The following APOBEC3B variants were observed in gnomAD, a reference collection of about 807,000 sequenced individuals.
APOBEC3B encodes apolipoprotein B mRNA editing enzyme catalytic subunit 3B.
Under a neutral mutation model 53.4 loss-of-function variants are expected in APOBEC3B, and 29 were observed. That is an observed-to-expected ratio of 0.54 (90% CI 0.40 to 0.74). APOBEC3B has a LOEUF of 0.74. Among genes scored for constraint, APOBEC3B ranks in the 30% least tolerant of loss-of-function variants. The probability of loss-of-function intolerance (pLI) is 0.00; values close to 1 mark genes in which losing one functional copy is unlikely to be tolerated. For synonymous variants in APOBEC3B, 132 were observed against 184.8 expected, an observed-to-expected ratio of 0.71 and a Z score of 2.32; for missense variants, 347 against 496.2, an observed-to-expected ratio of 0.70 and a Z score of 2.86.
rs1200546485 is a variant in APOBEC3B, at chr22:38,985,897, A to G, written c.260A>G (p.Gln87Arg). Residue 87 changes from glutamine (Q) to arginine (R), a missense_variant, in exon 3 of 8, where the codon CAG (glutamine) becomes CGG (arginine). This residue lies in a region of APOBEC3B where 20 missense variants were observed against 50.9 expected (regional missense o/e 0.39). Coordinates refer to ENST00000333467, the MANE Select transcript of APOBEC3B (RefSeq NM_004900.5). ...GNQLPAYKCFQITWFVSWTPC... is the reference protein window; with the variant it reads ...GNQLPAYKCFRITWFVSWTPC... ...CAGCTGCCTGCTTACAAGTGTTTCCAGATCACCTGGTTTGTATCCTGGACC... is the reference window on the plus strand; with the variant it reads ...CAGCTGCCTGCTTACAAGTGTTTCCGGATCACCTGGTTTGTATCCTGGACC... 6.3e-7 allele frequency: 1 copy of G among 1,599,560 alleles called. No homozygotes were observed.
intron 4 of APOBEC3B, among the ~76,000 whole-genome samples, chr22:38,988,696 T>TCTTTCTTTCTTC: frequency 8.7e-6 from 1 of 114,716 alleles, no homozygotes; most frequent in African/African-American, 3.6e-5. Context: ...TTTCTTTCTT[T>TCTTTCTTTCTTC]CTTTCTTTCT....
rs1923716342 is a variant in APOBEC3B, at chr22:38,985,933, A to G, written c.296A>G (p.Asp99Gly). 6.2e-7 allele frequency: 1 copy of G among 1,601,290 alleles called. No individual in the cohort carries two copies. Among genetic ancestry groups the G allele is most frequent in the African/African-American group, 1.4e-5 (1 of 73,894 alleles). ...TWFVSWTPCPDCVAKLAEFLS... is the reference protein window; with the variant it reads ...TWFVSWTPCPGCVAKLAEFLS... ...TTTGTATCCTGGACCCCCTGCCCGG[A>G]CTGTGTGGCGAAGCTGGCCGAATTC... Residue 99 changes from aspartate to glycine, a missense_variant, in exon 3 of 8, where the codon GAC (aspartate) becomes GGC (glycine). By Grantham distance (94) the Asp-to-Gly change is moderately conservative. This residue lies in a region of APOBEC3B where 20 missense variants were observed against 50.9 expected (regional missense o/e 0.39). Transcript: ENST00000333467.
At chr22:38,985,004 T>G (rs530648707) in intron 2 of APOBEC3B, among the ~76,000 whole-genome samples, 2 of 144,368 alleles carry the variant, frequency 1.4e-5, no homozygotes, top group Non-Finnish European at 1.5e-5. Context: ...CAGGTTCAAG[T>G]GATTCTTCGG....
At chr22:38,988,836 G>A (rs1923877206) in intron 4 of APOBEC3B, among the ~76,000 whole-genome samples, 1 of 145,778 alleles carries the variant, frequency 6.9e-6, no homozygotes, top group Non-Finnish European at 1.5e-5. Flanking sequence ...TCTACAGAGG[G>A]GCCGGGAGAG....
At chr22:38,989,874 A>G (rs910646601) in intron 5 of APOBEC3B, among the ~76,000 whole-genome samples, 2 of 148,494 alleles carry the variant, frequency 1.3e-5, no homozygotes, top group African/African-American at 4.9e-5. Context: ...TCTCACCAGG[A>G]ATGATTCGGA....
rs569498099 is a variant in APOBEC3B, at chr22:38,989,323, G to A, written c.570-134G>A. On this transcript the variant is annotated intron_variant, in intron 4 of 7. Coordinates refer to ENST00000333467, the MANE Select transcript of APOBEC3B (RefSeq NM_004900.5). ...AGAGGATCAGTGGCCCCCACAAAGG[G>A]AGTGGAAGCGCCTCCTCTGACAGGT... The A allele has an allele frequency of 2.2e-5, 17 of 770,116 alleles. No individual in the cohort carries two copies. The South Asian group carries it at 3.5e-4, about 16-fold the overall frequency. The allele number at this position is 770,116 out of a possible 1,614,324, so 47.7% of individuals were successfully genotyped here. A position where few individuals can be genotyped will look rare whatever the true frequency, so the allele number is the denominator to read the frequency against.
chr22:38,991,747 C>T, intron 6 of APOBEC3B, 121 bp downstream of exon 6: 1 of 1,317,388 alleles, frequency 7.6e-7, no homozygotes, highest in Non-Finnish European at 1.0e-6. Flanking sequence ...TGGGACCTGA[C>T]TTTGGGGTCG....
chr22:38,988,683 CTCTTTCTT>C lies in APOBEC3B; in HGVS notation c.570-717_570-710del, dbSNP rs767344337. Among the ~76,000 whole-genome samples, 138 of 47,526 alleles carry C rather than the reference CTCTTTCTT, an allele frequency of 2.9e-3. 7 individuals are homozygous for C. The highest frequency in any genetic ancestry group is 0.022 in the Middle Eastern group (2 of 92). 31.2% of individuals were successfully genotyped at this position (47,526 alleles called of 152,430 possible). A position where few individuals can be genotyped will look rare whatever the true frequency, so the allele number is the denominator to read the frequency against. On this transcript the variant is annotated intron_variant, in intron 4 of 7. Transcript: ENST00000333467. ...TTGCTTCCTCTCTCTTTCTCTCTTT[CTCTTTCTT>C]TCTTTCTTTCTTTCTTTCTTTCTTT...
intron 5 of APOBEC3B, among the ~76,000 whole-genome samples, chr22:38,990,782 A>G (rs929455375): frequency 1.4e-5 from 2 of 145,646 alleles, no homozygotes; most frequent in African/African-American, 5.1e-5. Context: ...TGAAGGAAGC[A>G]CACTCACTCA....
intron 6 of APOBEC3B, 35 bp from the exon 7 acceptor site, chr22:38,991,998 AC>A (rs1271120954): frequency 6.5e-7 from 1 of 1,532,226 alleles, no homozygotes; most frequent in African/African-American, 1.4e-5. Flanking sequence ...CCTCCCCACA[AC>A]AGGAGCGTGA....
Position 38,983,522 on chromosome 22 carries a change from TGGCCTC to T in APOBEC3B, c.18-549_18-544del, listed in dbSNP as rs1454933682. Among the ~76,000 whole-genome samples, 3 of 148,326 alleles carry T rather than the reference TGGCCTC, an allele frequency of 2.0e-5. 1 individual carries two copies. The highest frequency in any genetic ancestry group is 4.5e-5 in the Non-Finnish European group (3 of 67,154). ...CCTGCTCCATCCGTCCCCAGCTCTG[TGGCCTC>T]GGCAGGTTACCCCGCCTCTCTGTGC... On this transcript the variant is annotated intron_variant, in intron 1 of 7. Coordinates refer to ENST00000333467, the MANE Select transcript of APOBEC3B (RefSeq NM_004900.5).
chr22:38,982,727 G>A (rs867488291), intron 1 of APOBEC3B, among the ~76,000 whole-genome samples: 2 of 148,416 alleles, frequency 1.3e-5, no homozygotes, highest in African/African-American at 4.9e-5. Flanking sequence ...AGTCATGCCC[G>A]GACTGGTGCT....
chr22:38,984,616 T>A lies in APOBEC3B; in HGVS notation c.174+385T>A, dbSNP rs185997340. ...ACAGTAAAGGAATTTGTCTTTTTTT[T>A]AAAAAATTTTTTTAAAATTTTCTTC... On this transcript the variant is annotated intron_variant, in intron 2 of 7. Coordinates refer to ENST00000333467, the MANE Select transcript of APOBEC3B (RefSeq NM_004900.5). Among the ~76,000 whole-genome samples the A allele has an allele frequency of 1.2e-3, 178 of 148,632 alleles. 21 individuals are homozygous for A. Among genetic ancestry groups the A allele is most frequent in the Middle Eastern group, 3.4e-3 (1 of 292 alleles).
chr22:38,984,190 C>T lies in APOBEC3B; in HGVS notation c.133C>T (p.Arg45Cys), dbSNP rs143126732. 2.0e-3 allele frequency: 3,180 copies of T among 1,592,538 alleles called. 215 individuals are homozygous for T. The highest frequency in any genetic ancestry group is 4.5e-3 in the African/African-American group (335 of 74,310). The part of the protein sequence containing the change: ...LCYEVKIKRG[R>C]SNLLWDTGVF... ...CTATGAAGTGAAAATAAAGAGGGGC[C>T]GCTCAAATCTCCTTTGGGACACAGG... The change falls in exon 2 of 8, where the codon CGC (arginine) becomes TGC (cysteine). Residue 45 changes from arginine to cysteine, a missense_variant. Physicochemically the swap from Arg to Cys is radical, Grantham distance 180 (BLOSUM62 -3). Around this residue, in one of 5 missense-constraint regions of APOBEC3B, gnomAD observed 73 missense variants for 90.9 expected, o/e 0.80. Coordinates refer to ENST00000333467, the MANE Select transcript of APOBEC3B (RefSeq NM_004900.5).
In APOBEC3B at chr22:38,986,027, T is replaced by C. The variant is rs373745509; in HGVS notation, c.390T>C (p.Asp130=). The change falls in exon 3 of 8, where the codon GAT becomes GAC. Residue 130 remains aspartate, a synonymous_variant. Coordinates refer to ENST00000333467, the MANE Select transcript of APOBEC3B (RefSeq NM_004900.5). ...GCCTCTACTACTACTGGGAAAGAGA[T>C]TACCGAAGGGCGCTCTGCAGGCTGA... ...AARLYYYWER[D]YRRALCRLSQ... The C allele has an allele frequency of 2.0e-5, 32 of 1,593,110 alleles. 3 individuals carry two copies. Among genetic ancestry groups the C allele is most frequent in the Non-Finnish European group, 2.2e-5 (26 of 1,172,552 alleles).
At position 38,985,641 on chromosome 22, in the gene APOBEC3B, G is replaced by C. The variant is rs557347663; in HGVS notation, c.175-171G>C. ...ATTACAATAGCCATTAACACTGAAC[G>C]TGAGCTTTGGAGCAGACAATCACTC... On this transcript the variant is annotated intron_variant, in intron 2 of 7. Coordinates refer to ENST00000333467, the MANE Select transcript of APOBEC3B (RefSeq NM_004900.5). 3.8e-3 allele frequency among the ~76,000 whole-genome samples: 561 copies of C among 147,732 alleles called. 36 individuals are homozygous for C. The highest frequency in any genetic ancestry group is 5.6e-3 in the Non-Finnish European group (376 of 67,038).
At position 38,992,662 on chromosome 22, in the gene APOBEC3B, A is replaced by G; in HGVS notation, c.*217A>G. On this transcript the variant is annotated 3_prime_UTR_variant, in exon 8 of 8. Transcript: ENST00000333467. ...TCTTATGTTCCAAGTGTACAAGAGT[A>G]AGATTATGCTCAATATTCCCAGAAT... 1 of 1,316,742 alleles carries G rather than the reference A, an allele frequency of 7.6e-7. No homozygotes were observed. The highest frequency in any genetic ancestry group is 1.0e-6 in the Non-Finnish European group (1 of 972,646). The allele number at this position is 1,316,742 out of a possible 1,614,324, so 81.6% of individuals were successfully genotyped here.
intron 4 of APOBEC3B, among the ~76,000 whole-genome samples, chr22:38,988,684 T>TCTCTTTCTCTCTCC (rs1923844579): frequency 2.6e-4 from 1 of 3,816 alleles, no homozygotes; most frequent in African/African-American, 8.3e-4. Flanking sequence ...TCTCTCTTTC[T>TCTCTTTCTCTCTCC]CTTTCTTTCT....
Position 38,984,217 on chromosome 22 carries a change from G to C in APOBEC3B, c.160G>C (p.Val54Leu). ...GRSNLLWDTGVFRGQVYFKPQ... is the reference protein window; with the variant it reads ...GRSNLLWDTGLFRGQVYFKPQ... ...CTCAAATCTCCTTTGGGACACAGGG[G>C]TCTTTCGAGGCCAGGTACCACCCAA... Residue 54 changes from valine to leucine, a missense_variant, in exon 2 of 8, where the codon GTC becomes CTC. Transcript: ENST00000333467. 6.3e-7 allele frequency: 1 copy of C among 1,592,026 alleles called. No homozygotes were observed. The highest frequency in any genetic ancestry group is 1.1e-5 in the South Asian group (1 of 88,508).
Sources: allele counts gnomAD v4.1 joint callset (sites outside exome capture counted in the v4.1 genomes callset), GRCh38; gene constraint gnomAD v4.1.1; regional missense constraint gnomAD v4.1.1; transcripts MANE v1.5; gene names NCBI Gene and HGNC (gene_info 2026-07-23, HGNC 2026-07-21).